Variants in NEDD4L observed in about 807,000 individuals in gnomAD.
The protein encoded by NEDD4L is NEDD4 like E3 ubiquitin protein ligase.
NEDD4L carries 54 observed loss-of-function variants against 148.9 expected under a neutral mutation model. The observed-to-expected ratio is 0.36, with a 90% CI of 0.29 to 0.45. The LOEUF is 0.45. NEDD4L is among the 20% of genes least tolerant of loss of function. The probability of loss-of-function intolerance (pLI) is 1.00; values close to 1 mark genes in which losing one functional copy is unlikely to be tolerated. For missense variants in NEDD4L, 856 were observed against 1,233.8 expected (o/e 0.69, Z 4.59); for synonymous variants, 433 against 440.7 (o/e 0.98, Z 0.22).
chr18:58,393,550 T>C (rs2050101282), intron 30 of NEDD4L, among the ~76,000 whole-genome samples: 1 of 152,212 alleles, frequency 6.6e-6, no homozygotes, highest in South Asian at 2.1e-4. Flanking sequence ...TTCCTAATGA[T>C]GTTCTCCCCA....
Position 58,153,621 on chromosome 18 carries a change from A to T in NEDD4L, c.49-12167A>T, listed in dbSNP as rs533508451. ...CTTAGGGAGCATGTTTGAAGAGTCAAAGGAAAACCAAGTCTGTTAGCTTTG... is the reference window on the plus strand; with the variant it reads ...CTTAGGGAGCATGTTTGAAGAGTCATAGGAAAACCAAGTCTGTTAGCTTTG... On this transcript the variant is annotated intron_variant, in intron 1 of 30. Transcript: ENST00000400345. Among the ~76,000 whole-genome samples the T allele has an allele frequency of 2.6e-5, 4 of 151,530 alleles. No individual in the cohort carries two copies. The East Asian group carries it at 7.8e-4, about 29-fold the overall frequency.
chr18:58,064,974 T>C (rs981113990), intron 1 of NEDD4L, among the ~76,000 whole-genome samples: 1 of 152,210 alleles, frequency 6.6e-6, no homozygotes, highest in Non-Finnish European at 1.5e-5. Context: ...GAAACCTTCC[T>C]GCTGTAGTGG....
At chr18:58,268,866 G>A (rs1014677500) in intron 5 of NEDD4L, among the ~76,000 whole-genome samples, 5 of 151,932 alleles carry the variant, frequency 3.3e-5, no homozygotes, top group Non-Finnish European at 5.9e-5. Flanking sequence ...TCCTTGGGGA[G>A]GAGGGGAGCG....
intron 24 of NEDD4L, among the ~76,000 whole-genome samples, chr18:58,377,279 G>T (rs1301389001): frequency 2.0e-5 from 3 of 152,184 alleles, no homozygotes; most frequent in Non-Finnish European, 2.9e-5. Flanking sequence ...CCAGAAGAAA[G>T]CCCATTCCTC....
chr18:58,387,652 C>T, intron 27 of NEDD4L, 154 bp downstream of exon 27: 2 of 871,094 alleles, frequency 2.3e-6, no homozygotes, highest in Non-Finnish European at 3.2e-6. Context: ...GCTTATTTGC[C>T]AATGTGGTTC....
At chr18:58,206,186 C>T (rs962630030) in intron 2 of NEDD4L, among the ~76,000 whole-genome samples, 11 of 152,172 alleles carry the variant, frequency 7.2e-5, no homozygotes, top group East Asian at 1.9e-4. Flanking sequence ...GTCAGGAGTT[C>T]GGGACCAGCC....
At chr18:58,242,236 C>T (rs2046719991) in intron 2 of NEDD4L, among the ~76,000 whole-genome samples, 1 of 152,154 alleles carries the variant, frequency 6.6e-6, no homozygotes, top group African/African-American at 2.4e-5. Context: ...TCACACGTCT[C>T]CTAAGAGAGG....
chr18:58,108,669 C>T (rs1388221720), intron 1 of NEDD4L, among the ~76,000 whole-genome samples: 5 of 152,190 alleles, frequency 3.3e-5, no homozygotes, highest in Non-Finnish European at 5.9e-5. Flanking sequence ...GATCCACCCA[C>T]CTCGGCCCCC....
At chr18:58,171,865 G>A (rs1206598901) in intron 2 of NEDD4L, among the ~76,000 whole-genome samples, 1 of 152,246 alleles carries the variant, frequency 6.6e-6, no homozygotes, top group Non-Finnish European at 1.5e-5. Flanking sequence ...GTTAAGGGAA[G>A]CAAGCTCAAG....
intron 2 of NEDD4L, among the ~76,000 whole-genome samples, chr18:58,236,761 C>T (rs1413560987): frequency 6.6e-6 from 1 of 152,212 alleles, no homozygotes; most frequent in Non-Finnish European, 1.5e-5. Context: ...CTGCGGCTCA[C>T]GCCTGTAATC....
chr18:58,190,996 A>C (rs546690925), intron 2 of NEDD4L, among the ~76,000 whole-genome samples: 1 of 152,240 alleles, frequency 6.6e-6, no homozygotes, highest in South Asian at 2.1e-4. Flanking sequence ...CTGTAGCCCC[A>C]GCTACTCAGG....
At chr18:58,119,568 C>T (rs1027612989) in intron 1 of NEDD4L, among the ~76,000 whole-genome samples, 3 of 152,212 alleles carry the variant, frequency 2.0e-5, no homozygotes, top group African/African-American at 7.2e-5. Flanking sequence ...CTCTCTGTTC[C>T]TAGCCGCAGA....
chr18:58,280,299 C>T (rs560092087), intron 5 of NEDD4L, among the ~76,000 whole-genome samples: 1 of 152,260 alleles, frequency 6.6e-6, no homozygotes, highest in East Asian at 1.9e-4. Context: ...CACTGTCTGG[C>T]CCCATGCCAC....
At chr18:58,130,916 C>T (rs2032008422) in intron 1 of NEDD4L, among the ~76,000 whole-genome samples, 1 of 144,174 alleles carries the variant, frequency 6.9e-6, no homozygotes, top group Admixed American at 7.0e-5. Flanking sequence ...TCTAGCGGAA[C>T]TGTGGTGGTG....
chr18:58,253,197 C>G (rs916219431), intron 5 of NEDD4L, among the ~76,000 whole-genome samples: 1 of 152,180 alleles, frequency 6.6e-6, no homozygotes, highest in Non-Finnish European at 1.5e-5. Context: ...TACAATAACT[C>G]ATTTAACTCC....
intron 26 of NEDD4L, among the ~76,000 whole-genome samples, chr18:58,386,351 A>G (rs1004221410): frequency 3.9e-5 from 6 of 152,126 alleles, no homozygotes; most frequent in African/African-American, 9.7e-5. Flanking sequence ...GCGCCCAGCC[A>G]TGGACATTTT....
intron 2 of NEDD4L, among the ~76,000 whole-genome samples, chr18:58,233,508 C>T (rs998221112): frequency 2.0e-5 from 3 of 152,152 alleles, no homozygotes; most frequent in African/African-American, 7.2e-5. Flanking sequence ...AAAACTGTCC[C>T]CATGATTCAA....
At chr18:58,311,881 G>A (rs962891544) in intron 5 of NEDD4L, among the ~76,000 whole-genome samples, 4 of 152,178 alleles carry the variant, frequency 2.6e-5, no homozygotes, top group Admixed American at 6.5e-5. Flanking sequence ...TCACTGGAGC[G>A]ATTATAATAG....
intron 5 of NEDD4L, among the ~76,000 whole-genome samples, chr18:58,309,198 G>A (rs761518026): frequency 1.4e-4 from 22 of 152,106 alleles, no homozygotes; most frequent in South Asian, 6.2e-4. Context: ...ACTGCCCCAC[G>A]GGGCCACGCC....
Sources: gnomAD v4.1 joint callset for allele counts (sites outside exome capture counted in the v4.1 genomes callset) on GRCh38, gnomAD v4.1.1 for gene constraint, MANE v1.5 for transcripts, NCBI Gene and HGNC (gene_info 2026-07-23, HGNC 2026-07-21) for gene names.